The following GNA12 variants were observed in gnomAD, a reference collection of about 807,000 sequenced individuals.
The protein encoded by GNA12 is guanine nucleotide-binding protein subunit alpha-12.
A neutral mutation model predicts 26.0 loss-of-function variants in GNA12; 9 were observed. That is an observed-to-expected ratio of 0.35 (90% CI 0.21 to 0.60). GNA12 has a LOEUF of 0.60. Ranked by LOEUF, GNA12 falls within the 20% of genes least tolerant of loss-of-function variation. The pLI is 0.78. For synonymous variants in GNA12, 264 were observed against 219.6 expected (o/e 1.20, Z -1.79); for missense variants, 405 against 525.8 (o/e 0.77, Z 2.25).
chr7:2,788,918 C>G (rs1357407355), intron 2 of GNA12, among the ~76,000 whole-genome samples: 1 of 151,788 alleles, frequency 6.6e-6, no homozygotes, highest in Non-Finnish European at 1.5e-5. Context: ...TCCCTGGGCT[C>G]AAGCGATTCT....
chr7:2,760,492 A>G (rs208345), intron 2 of GNA12: 17,891 of 152,310 alleles, frequency 0.12, 1,810 homozygotes, highest in East Asian at 0.57. Context: ...TCAAATCAAC[A>G]CCGTGGCTTC....
In GNA12 at chr7:2,756,697, G is replaced by A. The variant is rs534031874; in HGVS notation, c.526-23196C>T. Among the ~76,000 whole-genome samples the A allele has an allele frequency of 1.7e-3, 264 of 152,342 alleles. 3 individuals carry two copies. The highest frequency in any genetic ancestry group is 5.9e-3 in the African/African-American group (244 of 41,584). On this transcript the variant is annotated intron_variant, in intron 2 of 3. Coordinates refer to ENST00000275364, the MANE Select transcript of GNA12 (RefSeq NM_007353.3). ...TTCTGTGCTGTCAGAATTCTAAGAT[G>A]AGCCTCGATGACAGACGCCCCTGTC... is the stretch of plus-strand genomic sequence containing the variant.
chr7:2,737,250 G>A (rs1411199171), intron 2 of GNA12, among the ~76,000 whole-genome samples: 1 of 144,382 alleles, frequency 6.9e-6, no homozygotes, highest in African/African-American at 2.6e-5. Flanking sequence ...TGCCCATTCA[G>A]GAGCTATCTC....
chr7:2,801,380 G>A (rs78106332), intron 1 of GNA12, among the ~76,000 whole-genome samples: 47 of 152,318 alleles, frequency 3.1e-4, no homozygotes, highest in African/African-American at 1.1e-3. Flanking sequence ...GGACTTGGAA[G>A]GCCAAAGGTC....
intron 1 of GNA12, among the ~76,000 whole-genome samples, chr7:2,795,860 C>T (rs1367702156): frequency 6.0e-5 from 9 of 149,388 alleles, no homozygotes; most frequent in Admixed American, 2.0e-4. Flanking sequence ...ACTCTTTTTG[C>T]CCTGGCCTGG....
rs1335834037 is a variant in GNA12 at position 2,730,671 on chromosome 7, G to A, written c.*510C>T. On this transcript the variant is annotated 3_prime_UTR_variant, in exon 4 of 4. Coordinates refer to ENST00000275364, the MANE Select transcript of GNA12 (RefSeq NM_007353.3). ...GCTGGGGCTGCAGGGCCGGGCTCAGGCACTGAGTTTAGCAGCATCGGCGTG... is the reference window on the plus strand; with the variant it reads ...GCTGGGGCTGCAGGGCCGGGCTCAGACACTGAGTTTAGCAGCATCGGCGTG... 4 of 153,314 alleles carry A rather than the reference G, an allele frequency of 2.6e-5. No individual in the cohort carries two copies. The highest frequency in any genetic ancestry group is 2.6e-4 in the Admixed American group (4 of 15,456). The allele number at this position is 153,314 out of a possible 1,614,324, so 9.5% of individuals were successfully genotyped here. A position where few individuals can be genotyped will look rare whatever the true frequency, so the allele number is the denominator to read the frequency against.
intron 1 of GNA12, among the ~76,000 whole-genome samples, chr7:2,821,173 T>C (rs1407079456): frequency 6.6e-6 from 1 of 152,228 alleles, no homozygotes; most frequent in Admixed American, 6.5e-5. Context: ...CTTAAGAATT[T>C]TTGTGATGAC....
intron 1 of GNA12, among the ~76,000 whole-genome samples, chr7:2,822,954 C>T (rs192126021): frequency 6.6e-6 from 1 of 152,332 alleles, no homozygotes; most frequent in Non-Finnish European, 1.5e-5. Context: ...ACTATCAGTC[C>T]TCTGCCCATT....
chr7:2,843,236 C>G (rs1480831606), intron 1 of GNA12, among the ~76,000 whole-genome samples: 1 of 152,194 alleles, frequency 6.6e-6, no homozygotes, highest in Non-Finnish European at 1.5e-5. Flanking sequence ...GGGAAATGGA[C>G]AGATACCATT....
chr7:2,806,379 C>T (rs1235139340), intron 1 of GNA12, among the ~76,000 whole-genome samples: 4 of 141,648 alleles, frequency 2.8e-5, no homozygotes, highest in African/African-American at 5.4e-5. Context: ...CCCAGCTACT[C>T]GGGAGGCAGA....
intron 2 of GNA12, among the ~76,000 whole-genome samples, chr7:2,759,091 G>C (rs1791434269): frequency 6.6e-6 from 1 of 151,204 alleles, no homozygotes; most frequent in Non-Finnish European, 1.5e-5. Flanking sequence ...AATGAGCCGA[G>C]ATTACACCAT....
chr7:2,839,558 A>AT (rs1193211354), intron 1 of GNA12, among the ~76,000 whole-genome samples: 2 of 151,924 alleles, frequency 1.3e-5, no homozygotes, highest in African/African-American at 2.4e-5. Context: ...CAATTTTTGT[A>AT]TTTTTTGTAG....
rs1041907033 is a variant in GNA12, at chr7:2,787,139, G to A, written c.525+7789C>T. On this transcript the variant is annotated intron_variant, in intron 2 of 3. Transcript: ENST00000275364. ...CCTGGGGCTCGCTCTTCCTCAGGGC[G>A]GACACACCAGCAATCCTGAAGCTGT... 9.2e-5 allele frequency among the ~76,000 whole-genome samples: 14 copies of A among 152,068 alleles called. No individual in the cohort carries two copies. The South Asian group carries it at 2.1e-3, about 23-fold the overall frequency.
At chr7:2,835,893 TA>T in intron 1 of GNA12, 1 of 558,902 alleles carries the variant, frequency 1.8e-6, no homozygotes, top group Non-Finnish European at 3.4e-6. Flanking sequence ...AAGCAGCAAA[TA>T]AAAATTTGCA....
At chr7:2,745,060 G>A (rs1191704453) in intron 2 of GNA12, among the ~76,000 whole-genome samples, 4 of 152,230 alleles carry the variant, frequency 2.6e-5, no homozygotes, top group Non-Finnish European at 5.9e-5. Flanking sequence ...ACCTGAAAGT[G>A]ACAGGGAGAA....
At chr7:2,813,853 G>A (rs1406772960) in intron 1 of GNA12, among the ~76,000 whole-genome samples, 1 of 152,178 alleles carries the variant, frequency 6.6e-6, no homozygotes, top group Non-Finnish European at 1.5e-5. Context: ...GTTCCTGGGC[G>A]TGTCTGTGAG....
At chr7:2,747,998 G>A (rs1448846901) in intron 2 of GNA12, among the ~76,000 whole-genome samples, 2 of 150,216 alleles carry the variant, frequency 1.3e-5, no homozygotes, top group African/African-American at 4.9e-5. Context: ...CACTGCTCAA[G>A]GAAATAAAAG....
chr7:2,804,525 C>G (rs1466372870), intron 1 of GNA12, among the ~76,000 whole-genome samples: 2 of 152,158 alleles, frequency 1.3e-5, no homozygotes, highest in African/African-American at 2.4e-5. Flanking sequence ...GCCAATAGGA[C>G]TGGGCTGAGT....
intron 1 of GNA12, among the ~76,000 whole-genome samples, chr7:2,839,809 G>A (rs542735783): frequency 6.6e-6 from 1 of 152,142 alleles, no homozygotes; most frequent in Non-Finnish European, 1.5e-5. Flanking sequence ...GATCAGCCTG[G>A]CCAACATGGT....
Sources: gnomAD v4.1 joint callset for allele counts (sites outside exome capture counted in the v4.1 genomes callset) on GRCh38, gnomAD v4.1.1 for gene constraint, MANE v1.5 for transcripts, NCBI Gene and HGNC (gene_info 2026-07-23, HGNC 2026-07-21) for gene names.